The following EPHA3 variants were observed in gnomAD, a reference collection of about 807,000 sequenced individuals.
EPHA3 encodes ephrin type-A receptor 3.
A neutral mutation model predicts 107.1 loss-of-function variants in EPHA3; 42 were observed. The ratio of observed to expected loss-of-function variants is 0.39; its 90% CI spans 0.31 to 0.51. The LOEUF (loss-of-function observed/expected upper bound fraction) is 0.51, where lower values mean the gene tolerates loss of function less well. EPHA3 is among the 20% of genes least tolerant of loss of function. The pLI is 0.78. For synonymous variants in EPHA3, 461 were observed against 424.8 expected, an observed-to-expected ratio of 1.09 and a Z score of -1.05; for missense variants, 1,183 against 1,211.2, an observed-to-expected ratio of 0.98 and a Z score of 0.35.
rs552912467 is a variant in EPHA3 at position 89,267,646 on chromosome 3, A to AT, written c.814+57135dup. ...GGCAAGGAAATATTGCTGTTTAGCT[A>AT]TTTTTTTTTAAATTAACTTTATGAA... On this transcript the variant is annotated intron_variant, in intron 3 of 16. Coordinates refer to ENST00000336596, the MANE Select transcript of EPHA3 (RefSeq NM_005233.6). Among the ~76,000 whole-genome samples the AT allele has an allele frequency of 4.2e-4, 64 of 151,670 alleles. No homozygotes were observed. In the South Asian group the frequency reaches 7.3e-3, roughly 17 times the overall value.
At chr3:89,401,239 T>C (rs1368737514) in intron 7 of EPHA3, among the ~76,000 whole-genome samples, 4 of 152,236 alleles carry the variant, frequency 2.6e-5, no homozygotes, top group Admixed American at 2.0e-4. Context: ...TAAGGAGCTA[T>C]AAATTTCACC....
intron 1 of EPHA3, among the ~76,000 whole-genome samples, chr3:89,120,314 T>C (rs531276183): frequency 6.6e-6 from 1 of 152,270 alleles, no homozygotes; most frequent in East Asian, 1.9e-4. Flanking sequence ...TTTAGAAACT[T>C]ACATTTTGGG....
intron 1 of EPHA3, among the ~76,000 whole-genome samples, chr3:89,123,814 T>C (rs1704026304): frequency 6.6e-6 from 1 of 152,234 alleles, no homozygotes; most frequent in Non-Finnish European, 1.5e-5. Flanking sequence ...AAAGTTTATA[T>C]ATTCCACATA....
At chr3:89,368,194 T>A (rs1010782479) in intron 5 of EPHA3, among the ~76,000 whole-genome samples, 1 of 150,518 alleles carries the variant, frequency 6.6e-6, no homozygotes, top group African/African-American at 2.4e-5. Flanking sequence ...TATGGGGTTT[T>A]TTAAAAAAAT....
At chr3:89,201,483 G>A (rs1705967934) in intron 2 of EPHA3, among the ~76,000 whole-genome samples, 1 of 152,134 alleles carries the variant, frequency 6.6e-6, no homozygotes, top group Non-Finnish European at 1.5e-5. Context: ...GCAGTACTAA[G>A]GCACTCCACA....
intron 3 of EPHA3, among the ~76,000 whole-genome samples, chr3:89,316,505 A>AT (rs1553681524): frequency 6.7e-4 from 70 of 104,124 alleles, no homozygotes; most frequent in South Asian, 1.9e-3. Flanking sequence ...GTGTGTGTGT[A>AT]ATATATATAT....
intron 5 of EPHA3, among the ~76,000 whole-genome samples, chr3:89,390,283 C>T (rs1708699080): frequency 6.6e-6 from 1 of 152,100 alleles, no homozygotes; most frequent in African/African-American, 2.4e-5. Flanking sequence ...GCCACCATGC[C>T]TGGCCAATTA....
intron 3 of EPHA3, among the ~76,000 whole-genome samples, chr3:89,299,945 C>T (rs1246739657): frequency 2.0e-5 from 3 of 151,732 alleles, no homozygotes; most frequent in South Asian, 2.1e-4. Flanking sequence ...ATTTAAGTGT[C>T]GATTATATTA....
chr3:89,204,503 CA>C (rs1706052568), intron 2 of EPHA3, among the ~76,000 whole-genome samples: 8 of 101,752 alleles, frequency 7.9e-5, no homozygotes, highest in African/African-American at 1.9e-4. Context: ...CACACACACA[CA>C]CACCCCAAAC....
intron 2 of EPHA3, among the ~76,000 whole-genome samples, chr3:89,129,110 A>G (rs142317506): frequency 9.2e-5 from 14 of 152,186 alleles, no homozygotes; most frequent in Admixed American, 4.6e-4. Flanking sequence ...TCTTTAGCAC[A>G]TTGAATTTGA....
At chr3:89,420,600 A>C (rs2107527882) in intron 11 of EPHA3, among the ~76,000 whole-genome samples, 1 of 151,684 alleles carries the variant, frequency 6.6e-6, no homozygotes, top group African/African-American at 2.4e-5. Flanking sequence ...TAAGTTAATA[A>C]TTAATAAAAA....
In EPHA3 at chr3:89,200,457, G is replaced by A. The variant is rs1368137217; in HGVS notation, c.154-9403G>A. The stretch of plus-strand genomic sequence containing the variant: ...ATGTTCAGTATATAATTGTTCAACA[G>A]AAGTCATCTTAAGAAGTCTTGCCTG... On this transcript the variant is annotated intron_variant, in intron 2 of 16. Coordinates refer to ENST00000336596, the MANE Select transcript of EPHA3 (RefSeq NM_005233.6). Among the ~76,000 whole-genome samples the A allele has an allele frequency of 3.3e-5, 5 of 152,292 alleles. No individual in the cohort carries two copies. In the East Asian group the frequency reaches 9.7e-4, roughly 29 times the overall value.
At chr3:89,259,233 C>T (rs1280197943) in intron 3 of EPHA3, among the ~76,000 whole-genome samples, 1 of 152,168 alleles carries the variant, frequency 6.6e-6, no homozygotes, top group East Asian at 1.9e-4. Context: ...TCTTCTTCAC[C>T]TGTGGCCACC....
chr3:89,112,456 C>T (rs1041395915), intron 1 of EPHA3, among the ~76,000 whole-genome samples: 1 of 151,458 alleles, frequency 6.6e-6, no homozygotes, highest in South Asian at 2.1e-4. Context: ...CTTAAGGGTC[C>T]GACCATTTTT....
At chr3:89,416,214 C>T (rs1416741285) in intron 10 of EPHA3, among the ~76,000 whole-genome samples, 2 of 151,232 alleles carry the variant, frequency 1.3e-5, no homozygotes, top group Non-Finnish European at 3.0e-5. Context: ...AATCAGAATA[C>T]AGTCCCCATT....
At chr3:89,293,497 T>C (rs1425321314) in intron 3 of EPHA3, among the ~76,000 whole-genome samples, 1 of 152,140 alleles carries the variant, frequency 6.6e-6, no homozygotes, top group Non-Finnish European at 1.5e-5. Context: ...CCCTCTGTGA[T>C]ATAGTTTGTA....
chr3:89,130,627 CTT>C (rs869075361), intron 2 of EPHA3, among the ~76,000 whole-genome samples: 6 of 136,602 alleles, frequency 4.4e-5, no homozygotes, highest in East Asian at 4.2e-4. Flanking sequence ...TTTCTATCTC[CTT>C]TTTTTTTTTT....
chr3:89,170,824 T>C (rs1247335222), intron 2 of EPHA3, among the ~76,000 whole-genome samples: 2 of 152,200 alleles, frequency 1.3e-5, no homozygotes, highest in Non-Finnish European at 2.9e-5. Context: ...TGAATGCTCA[T>C]TTTGGTTATT....
intron 2 of EPHA3, among the ~76,000 whole-genome samples, chr3:89,144,839 A>G (rs1704501424): frequency 1.3e-5 from 2 of 151,730 alleles, no homozygotes; most frequent in Admixed American, 1.3e-4. Context: ...GTTTAATAAG[A>G]GTTGAGGAAA....
Sources: allele counts gnomAD v4.1 joint callset (sites outside exome capture counted in the v4.1 genomes callset), GRCh38; gene constraint gnomAD v4.1.1; transcripts MANE v1.5; gene names NCBI Gene and HGNC (gene_info 2026-07-23, HGNC 2026-07-21).